The following CSMD1 variants were observed in gnomAD, a reference collection of about 807,000 sequenced individuals.
The protein encoded by CSMD1 is CUB and Sushi multiple domains 1.
Under a neutral mutation model 417.5 loss-of-function variants are expected in CSMD1, and 213 were observed. The ratio of observed to expected loss-of-function variants is 0.51; its 90% CI spans 0.46 to 0.57. The LOEUF (loss-of-function observed/expected upper bound fraction) is 0.57, where lower values mean the gene tolerates loss of function less well. Among genes scored for constraint, CSMD1 ranks in the 20% least tolerant of loss-of-function variants. CSMD1 has a pLI of 0.00. For synonymous variants in CSMD1, 2,862 were observed against 1,736.8 expected, an observed-to-expected ratio of 1.65 and a Z score of -16.11; for missense variants, 6,923 against 4,529.7, an observed-to-expected ratio of 1.53 and a Z score of -15.17.
intron 1 of CSMD1, among the ~76,000 whole-genome samples, chr8:4,794,649 C>T (rs958078391): frequency 6.6e-6 from 1 of 152,150 alleles, no homozygotes; most frequent in Non-Finnish European, 1.5e-5. Flanking sequence ...TCCCCATTGT[C>T]CCCATACCTT....
chr8:4,185,852 C>A (rs1252103610), intron 3 of CSMD1, among the ~76,000 whole-genome samples: 1 of 152,140 alleles, frequency 6.6e-6, no homozygotes, highest in East Asian at 1.9e-4. Context: ...ATGAACAGAG[C>A]AACCGTTCTT....
chr8:3,392,752 G>C (rs933687291), intron 17 of CSMD1, among the ~76,000 whole-genome samples: 1 of 152,102 alleles, frequency 6.6e-6, no homozygotes, highest in African/African-American at 2.4e-5. Context: ...GGATGTGTTA[G>C]TGCACTATGA....
Position 4,978,374 on chromosome 8 carries a change from T to G in CSMD1, c.85+15958A>C, listed in dbSNP as rs568150084. On this transcript the variant is annotated intron_variant, in intron 1 of 69. Coordinates refer to ENST00000635120, the MANE Select transcript of CSMD1 (RefSeq NM_033225.6). ...AAGGAAAAAGCCAGATCACACTGAC[T>G]GCCTTAACATTATTAAGCCCTCTAT... 1.1e-4 allele frequency among the ~76,000 whole-genome samples: 16 copies of G among 152,250 alleles called. No individual in the cohort carries two copies. The South Asian group carries it at 3.3e-3, about 32-fold the overall frequency.
chr8:4,470,468 A>C (rs1377405772), intron 2 of CSMD1, among the ~76,000 whole-genome samples: 1 of 152,248 alleles, frequency 6.6e-6, no homozygotes, highest in Admixed American at 6.5e-5. Flanking sequence ...CATGGTCGGC[A>C]GCTCAATGCT....
intron 3 of CSMD1, among the ~76,000 whole-genome samples, chr8:4,273,362 G>A (rs571144299): frequency 5.3e-4 from 81 of 152,182 alleles, no homozygotes; most frequent in African/African-American, 1.9e-3. Context: ...CGGGTAATTC[G>A]AGAAATGGAT....
intron 3 of CSMD1, among the ~76,000 whole-genome samples, chr8:4,183,234 T>C (rs984018332): frequency 6.6e-6 from 1 of 152,102 alleles, no homozygotes; most frequent in Non-Finnish European, 1.5e-5. Flanking sequence ...GAGAAGATCA[T>C]CTCTAAGAAA....
At chr8:4,566,092 T>A (rs1798593009) in intron 2 of CSMD1, among the ~76,000 whole-genome samples, 1 of 152,122 alleles carries the variant, frequency 6.6e-6, no homozygotes, top group African/African-American at 2.4e-5. Context: ...CTCAATGCAG[T>A]TATCCAGAAT....
chr8:3,272,087 C>T (rs1463481272), intron 26 of CSMD1, among the ~76,000 whole-genome samples: 1 of 148,364 alleles, frequency 6.7e-6, no homozygotes, highest in Non-Finnish European at 1.5e-5. Flanking sequence ...GTCTTTAATC[C>T]ATCTTGAATT....
chr8:3,226,952 A>C (rs1798540960), intron 27 of CSMD1, among the ~76,000 whole-genome samples: 1 of 152,180 alleles, frequency 6.6e-6, no homozygotes, highest in Non-Finnish European at 1.5e-5. Context: ...AAAAAGTTCG[A>C]CCTTATTATT....
At chr8:4,127,268 G>C (rs1485722128) in intron 3 of CSMD1, among the ~76,000 whole-genome samples, 1 of 151,810 alleles carries the variant, frequency 6.6e-6, no homozygotes, top group Non-Finnish European at 1.5e-5. Context: ...CCCCGCTCCA[G>C]GTTATTCTCA....
Position 4,750,211 on chromosome 8 carries a change from G to A in CSMD1, c.86-112653C>T, listed in dbSNP as rs1183011498. 3.9e-5 allele frequency among the ~76,000 whole-genome samples: 6 copies of A among 151,972 alleles called. No individual in the cohort carries two copies. In the South Asian group the frequency reaches 1.0e-3, roughly 26 times the overall value. Reference sequence around the variant, plus strand: ...TTTAGTAGAGACAGGGTTTCACCGTGTTAGCCACGATGGTCTCGATCTCCC... The same window carrying A: ...TTTAGTAGAGACAGGGTTTCACCGTATTAGCCACGATGGTCTCGATCTCCC... On this transcript the variant is annotated intron_variant, in intron 1 of 69. Coordinates refer to ENST00000635120, the MANE Select transcript of CSMD1 (RefSeq NM_033225.6).
chr8:3,508,996 C>A (rs958881653), intron 10 of CSMD1, among the ~76,000 whole-genome samples: 1 of 152,188 alleles, frequency 6.6e-6, no homozygotes, highest in African/African-American at 2.4e-5. Context: ...TATCTCAGTG[C>A]AAATCCCAGC....
At position 3,461,767 on chromosome 8, in the gene CSMD1, G is replaced by A. The variant is rs955535143; in HGVS notation, c.1561+6945C>T. Among the ~76,000 whole-genome samples the A allele has an allele frequency of 2.0e-5, 3 of 152,182 alleles. No individual in the cohort carries two copies. In the East Asian group the frequency reaches 5.8e-4, roughly 29 times the overall value. ...CCCAATGAGACAATACAGATGAGTG[G>A]GACGATTTATCCATGGGGACTCTCT... On this transcript the variant is annotated intron_variant, in intron 12 of 69. Coordinates refer to ENST00000635120, the MANE Select transcript of CSMD1 (RefSeq NM_033225.6).
chr8:4,886,176 A>C (rs1803726705), intron 1 of CSMD1, among the ~76,000 whole-genome samples: 1 of 151,928 alleles, frequency 6.6e-6, no homozygotes, highest in African/African-American at 2.4e-5. Flanking sequence ...TTTTTAGTAA[A>C]GATCAGGTTT....
rs557252849 is a variant in CSMD1 at position 3,758,704 on chromosome 8, G to C, written c.819-4662C>G. On this transcript the variant is annotated intron_variant, in intron 5 of 69. Transcript: ENST00000635120. The stretch of plus-strand genomic sequence containing the variant: ...AATTCAACTGAATGGCTTTGTGGGA[G>C]GCAGAATCATACCTGCTACAGACAG... 5.9e-5 allele frequency among the ~76,000 whole-genome samples: 9 copies of C among 152,306 alleles called. No individual in the cohort carries two copies. The East Asian group carries it at 1.5e-3, about 26-fold the overall frequency.
At chr8:3,462,195 C>G (rs1269015248) in intron 12 of CSMD1, among the ~76,000 whole-genome samples, 1 of 152,096 alleles carries the variant, frequency 6.6e-6, no homozygotes, top group Non-Finnish European at 1.5e-5. Context: ...AAGCAGTGTT[C>G]TGGTCCCTCC....
chr8:3,672,240 T>C (rs1799109945), intron 7 of CSMD1, among the ~76,000 whole-genome samples: 1 of 152,192 alleles, frequency 6.6e-6, no homozygotes, highest in Non-Finnish European at 1.5e-5. Flanking sequence ...CATAAGATTT[T>C]TTAAAACTTA....
intron 7 of CSMD1, among the ~76,000 whole-genome samples, chr8:3,659,366 C>G (rs7839517): frequency 0.03 from 4,606 of 152,142 alleles, 242 homozygotes; most frequent in African/African-American, 0.1. Flanking sequence ...AGTTTACTAC[C>G]CACTGATGAA....
At chr8:4,588,031 A>C (rs1480936102) in intron 2 of CSMD1, among the ~76,000 whole-genome samples, 2 of 152,198 alleles carry the variant, frequency 1.3e-5, no homozygotes, top group Non-Finnish European at 2.9e-5. Context: ...AGCATAGGAA[A>C]AAGAAAACTA....
Sources: allele counts gnomAD v4.1 joint callset (sites outside exome capture counted in the v4.1 genomes callset), GRCh38; gene constraint gnomAD v4.1.1; transcripts MANE v1.5; gene names NCBI Gene and HGNC (gene_info 2026-07-23, HGNC 2026-07-21).